The following DPP10 variants were observed in gnomAD, a reference collection of about 807,000 sequenced individuals.
DPP10 encodes the protein inactive dipeptidyl peptidase 10.
A neutral mutation model predicts 120.9 loss-of-function variants in DPP10; 33 were observed. The ratio of observed to expected loss-of-function variants is 0.27; its 90% confidence interval spans 0.21 to 0.37. DPP10 has a LOEUF of 0.37. Ranked by LOEUF, DPP10 falls within the 10% of genes least tolerant of loss-of-function variation. The pLI is 1.00. For synonymous variants in DPP10, 337 were observed against 326.1 expected (o/e 1.03, Z -0.36); for missense variants, 816 against 942.8 (o/e 0.87, Z 1.76).
At chr2:115,597,441 T>C (rs1272425710) in intron 5 of DPP10, among the ~76,000 whole-genome samples, 1 of 151,870 alleles carries the variant, frequency 6.6e-6, no homozygotes. Context: ...GTAAGTACCA[T>C]GTACATAATT....
intron 13 of DPP10, among the ~76,000 whole-genome samples, chr2:115,773,239 A>G (rs913203730): frequency 6.6e-6 from 1 of 152,200 alleles, no homozygotes; most frequent in Non-Finnish European, 1.5e-5. Flanking sequence ...TGAACATTTA[A>G]TATAAGAAAT....
chr2:115,515,537 G>A (rs1428142441), intron 4 of DPP10, among the ~76,000 whole-genome samples: 2 of 151,912 alleles, frequency 1.3e-5, no homozygotes, highest in African/African-American at 4.8e-5. Flanking sequence ...CTTTCATATT[G>A]GGACTTTGCA....
chr2:115,831,597 G>T (rs1212083852), intron 21 of DPP10, among the ~76,000 whole-genome samples: 5 of 152,066 alleles, frequency 3.3e-5, no homozygotes, highest in Admixed American at 6.6e-5. Flanking sequence ...TATTCATAAA[G>T]TCATTTAAAG....
chr2:114,933,430 T>G (rs1696229043), intron 1 of DPP10, among the ~76,000 whole-genome samples: 1 of 152,196 alleles, frequency 6.6e-6, no homozygotes, highest in African/African-American at 2.4e-5. Context: ...AAAGTAGAAC[T>G]GTCCTAGCCA....
chr2:114,653,160 T>C (rs952440451), intron 1 of DPP10, among the ~76,000 whole-genome samples: 4 of 152,050 alleles, frequency 2.6e-5, no homozygotes, highest in Non-Finnish European at 5.9e-5. Context: ...AAAAAGTGTC[T>C]TTTGCAGACG....
chr2:114,841,604 A>G (rs772638131), intron 1 of DPP10, among the ~76,000 whole-genome samples: 1 of 152,126 alleles, frequency 6.6e-6, no homozygotes, highest in Non-Finnish European at 1.5e-5. Flanking sequence ...TTTCCCAGGA[A>G]GAGAAGTACT....
chr2:115,841,900 G>A (rs1045205175), intron 25 of DPP10, among the ~76,000 whole-genome samples: 2 of 152,150 alleles, frequency 1.3e-5, no homozygotes, highest in Non-Finnish European at 2.9e-5. Context: ...GAGAGGCCAA[G>A]GGCCTTTAGT....
intron 1 of DPP10, among the ~76,000 whole-genome samples, chr2:114,608,251 G>T (rs1692984384): frequency 3.1e-5 from 1 of 31,968 alleles, no homozygotes. Context: ...CAGGTGGTTT[G>T]GATGATCAGT....
At chr2:115,070,958 A>C (rs1041407385) in intron 1 of DPP10, among the ~76,000 whole-genome samples, 1 of 152,188 alleles carries the variant, frequency 6.6e-6, no homozygotes, top group African/African-American at 2.4e-5. Context: ...AATCTGCCAA[A>C]TCAATGCCAA....
chr2:115,274,224 T>C (rs2059817612), intron 1 of DPP10, among the ~76,000 whole-genome samples: 1 of 152,186 alleles, frequency 6.6e-6, no homozygotes, highest in Non-Finnish European at 1.5e-5. Context: ...TACTTGAGAA[T>C]ACAGCCTGAT....
At chr2:115,510,140 G>C (rs534752623) in intron 4 of DPP10, among the ~76,000 whole-genome samples, 2 of 151,990 alleles carry the variant, frequency 1.3e-5, no homozygotes, top group African/African-American at 4.8e-5. Context: ...TTTCTCCCAG[G>C]TATGTTGTCT....
At chr2:115,652,936 A>G (rs936193157) in intron 5 of DPP10, among the ~76,000 whole-genome samples, 1 of 151,992 alleles carries the variant, frequency 6.6e-6, no homozygotes, top group African/African-American at 2.4e-5. Context: ...AACCATCACA[A>G]TTCATTATGG....
At position 114,718,692 on chromosome 2, in the gene DPP10, G is replaced by A. The variant is rs577588047; in HGVS notation, c.60+275854G>A. On this transcript the variant is annotated intron_variant, in intron 1 of 25. Transcript: ENST00000410059. Reference sequence around the variant, plus strand: ...GGATGCTATTTAAAATGAATGTTAAGGAAAATGACCAGCCTCAGGTTGTAA... The same window carrying A: ...GGATGCTATTTAAAATGAATGTTAAAGAAAATGACCAGCCTCAGGTTGTAA... Among the ~76,000 whole-genome samples the A allele has an allele frequency of 4.6e-5, 7 of 152,242 alleles. No individual in the cohort carries two copies. In the East Asian group the frequency reaches 1.2e-3, roughly 25 times the overall value.
rs572863756 is a variant in DPP10, at chr2:115,399,543, T to A, written c.271+55631T>A. On this transcript the variant is annotated intron_variant, in intron 3 of 25. Coordinates refer to ENST00000410059, the MANE Select transcript of DPP10 (RefSeq NM_020868.6). ...AAGGAACATTTTTAGCCCGAATTAT[T>A]AAAAAATTGCTTTAATTTTGCTTTA... Among the ~76,000 whole-genome samples the A allele has an allele frequency of 6.6e-5, 10 of 152,294 alleles. No individual in the cohort carries two copies. The East Asian group carries it at 1.4e-3, about 21-fold the overall frequency.
chr2:115,366,762 C>T (rs1180676281), intron 3 of DPP10, among the ~76,000 whole-genome samples: 2 of 152,058 alleles, frequency 1.3e-5, no homozygotes, highest in Admixed American at 6.6e-5. Context: ...GCTCACTTCT[C>T]AGTGTCTAAT....
At chr2:115,005,340 A>T (rs1461745288) in intron 1 of DPP10, among the ~76,000 whole-genome samples, 2 of 152,218 alleles carry the variant, frequency 1.3e-5, no homozygotes, top group Non-Finnish European at 2.9e-5. Context: ...GCAGCTCCTC[A>T]CCAGCAATGG....
intron 1 of DPP10, among the ~76,000 whole-genome samples, chr2:114,625,305 T>C (rs1447084352): frequency 1.3e-5 from 2 of 151,982 alleles, no homozygotes; most frequent in African/African-American, 4.8e-5. Flanking sequence ...CCCCAATACT[T>C]TCTGTCAGTT....
chr2:114,835,189 A>C (rs1160032065), intron 1 of DPP10: 1 of 144,768 alleles, frequency 6.9e-6, no homozygotes, highest in East Asian at 1.9e-4. Context: ...TATATATAGG[A>C]CATATCTACA....
intron 4 of DPP10, among the ~76,000 whole-genome samples, chr2:115,500,576 A>G (rs1216774578): frequency 6.6e-6 from 1 of 152,050 alleles, no homozygotes; most frequent in South Asian, 2.1e-4. Context: ...CATTACAATC[A>G]TTAAGTGATT....
Sources: gnomAD v4.1 joint callset for allele counts (sites outside exome capture counted in the v4.1 genomes callset) on GRCh38, gnomAD v4.1.1 for gene constraint, MANE v1.5 for transcripts, NCBI Gene and HGNC (gene_info 2026-07-23, HGNC 2026-07-21) for gene names.